Variants in NCK2 observed in about 807,000 individuals in gnomAD.
The protein encoded by NCK2 is NCK adaptor protein 2.
Under a neutral mutation model 33.9 loss-of-function variants are expected in NCK2, and 16 were observed. The ratio of observed to expected loss-of-function variants is 0.47; its 90% CI spans 0.32 to 0.72. The LOEUF is 0.72. Ranked by LOEUF, NCK2 falls within the 30% of genes least tolerant of loss-of-function variation. The probability of loss-of-function intolerance (pLI) is 0.03; values close to 1 mark genes in which losing one functional copy is unlikely to be tolerated. For missense variants in NCK2, 418 were observed against 537.3 expected, an observed-to-expected ratio of 0.78 and a Z score of 2.19; for synonymous variants, 273 against 239.9, an observed-to-expected ratio of 1.14 and a Z score of -1.27.
chr2:105,793,026 C>T (rs954164973), intron 1 of NCK2, among the ~76,000 whole-genome samples: 1 of 152,030 alleles, frequency 6.6e-6, no homozygotes, highest in African/African-American at 2.4e-5. Context: ...TGTCCTGTGT[C>T]ATGAAGCCAA....
intron 4 of NCK2, among the ~76,000 whole-genome samples, chr2:105,889,022 A>G (rs6740343): frequency 0.63 from 95,745 of 152,142 alleles, 31,115 homozygotes; most frequent in South Asian, 0.77. Context: ...TTTTTCATCC[A>G]ATTTCTTGAA....
chr2:105,859,515 C>T (rs544873935), intron 3 of NCK2, among the ~76,000 whole-genome samples: 1 of 152,324 alleles, frequency 6.6e-6, no homozygotes, highest in South Asian at 2.1e-4. Context: ...CCCAGAACTC[C>T]TGCCTCTGAT....
chr2:105,771,141 C>G (rs868792278), intron 1 of NCK2, among the ~76,000 whole-genome samples: 2 of 152,068 alleles, frequency 1.3e-5, no homozygotes, highest in Admixed American at 1.3e-4. Flanking sequence ...CCAGGATGCT[C>G]TCGATCTCCT....
At chr2:105,750,203 T>G (rs1689414510) in intron 1 of NCK2, among the ~76,000 whole-genome samples, 1 of 152,154 alleles carries the variant, frequency 6.6e-6, no homozygotes. Context: ...CGTCTTCTTG[T>G]GTCCTCACTC....
chr2:105,855,026 T>G (rs1366054078), intron 2 of NCK2, 22 bp from the exon 3 acceptor site: 1 of 1,573,460 alleles, frequency 6.4e-7, no homozygotes, highest in Non-Finnish European at 8.7e-7. Context: ...CTAATGAGCA[T>G]CTCCAAATGT....
At chr2:105,816,330 A>C (rs184197468) in intron 1 of NCK2, 100 bp from the exon 2 acceptor site, 2 of 152,234 alleles carry the variant, frequency 1.3e-5, no homozygotes, top group African/African-American at 4.8e-5. Flanking sequence ...TAACAAAAAA[A>C]CCCATTAGTT....
intron 1 of NCK2, among the ~76,000 whole-genome samples, chr2:105,805,731 A>G (rs1675009706): frequency 6.6e-6 from 1 of 152,220 alleles, no homozygotes; most frequent in East Asian, 1.9e-4. Context: ...TTCAGTTAGC[A>G]TGATGTCCTC....
intron 1 of NCK2, among the ~76,000 whole-genome samples, chr2:105,781,265 G>T (rs1044421209): frequency 6.6e-6 from 1 of 152,144 alleles, no homozygotes; most frequent in Non-Finnish European, 1.5e-5. Context: ...GATTACTCTA[G>T]GTATTCCCAA....
chr2:105,811,401 T>G (rs1675290472), intron 1 of NCK2, among the ~76,000 whole-genome samples: 1 of 152,182 alleles, frequency 6.6e-6, no homozygotes, highest in African/African-American at 2.4e-5. Context: ...GGCTGTAATT[T>G]GCTTCTCATT....
intron 2 of NCK2, among the ~76,000 whole-genome samples, chr2:105,833,989 CTATTG>C (rs1676297649): frequency 6.6e-6 from 1 of 151,944 alleles, no homozygotes; most frequent in Non-Finnish European, 1.5e-5. Flanking sequence ...TAGTTTTATT[CTATTG>C]TGTTCTGAGA....
At chr2:105,761,636 G>C (rs1171524753) in intron 1 of NCK2, among the ~76,000 whole-genome samples, 1 of 152,216 alleles carries the variant, frequency 6.6e-6, no homozygotes, top group East Asian at 1.9e-4. Context: ...CCAGCACTTT[G>C]GGAGGCTCAG....
intron 2 of NCK2, among the ~76,000 whole-genome samples, chr2:105,838,835 A>T (rs974452593): frequency 6.6e-6 from 1 of 152,196 alleles, no homozygotes; most frequent in African/African-American, 2.4e-5. Flanking sequence ...CACCCATCTA[A>T]GTCTTGGCTT....
intron 1 of NCK2, among the ~76,000 whole-genome samples, chr2:105,774,137 T>C (rs1037236999): frequency 6.6e-5 from 10 of 151,660 alleles, no homozygotes; most frequent in African/African-American, 2.4e-4. Context: ...GCTTCCAGAG[T>C]AGCTGAGACT....
In NCK2 at chr2:105,878,296, C is replaced by G. The variant is rs532942491; in HGVS notation, c.227-3032C>G. ...AGATTGCATCTTCCTGAAATTCATA[C>G]GAAGTCCCAATCCCCAGGACCTCAG... On this transcript the variant is annotated intron_variant, in intron 3 of 4. Coordinates refer to ENST00000233154, the MANE Select transcript of NCK2 (RefSeq NM_003581.5). 5.9e-5 allele frequency among the ~76,000 whole-genome samples: 9 copies of G among 152,336 alleles called. No homozygotes were observed. The East Asian group carries it at 1.7e-3, about 29-fold the overall frequency.
chr2:105,773,357 C>T (rs894649629), intron 1 of NCK2, among the ~76,000 whole-genome samples: 2 of 152,040 alleles, frequency 1.3e-5, no homozygotes, highest in Non-Finnish European at 2.9e-5. Flanking sequence ...GTCTTCTCGC[C>T]GTCTGGTACA....
rs1334198480 is a variant in NCK2, at chr2:105,881,423, C to CGCAT, written c.323_326dup (p.Ile109MetfsTer22). On this transcript the variant is annotated frameshift_variant, in exon 4 of 5. Coordinates refer to ENST00000233154, the MANE Select transcript of NCK2 (RefSeq NM_003581.5). LOFTEE classifies it high-confidence loss of function. ...CCCCGCCAATGGCAGCGGCGCCGAC[C>CGCAT]GCATCTACGACCTCAACATCCCGGC... The CGCAT allele has an allele frequency of 6.2e-7, 1 of 1,613,194 alleles. No homozygotes were observed. Among genetic ancestry groups the CGCAT allele is most frequent in the Non-Finnish European group, 8.5e-7 (1 of 1,179,966 alleles).
chr2:105,772,770 A>G (rs1298138601), intron 1 of NCK2, among the ~76,000 whole-genome samples: 1 of 152,020 alleles, frequency 6.6e-6, no homozygotes, highest in African/African-American at 2.4e-5. Context: ...CCATTTTCAC[A>G]GTGAGTGCAG....
chr2:105,887,600 C>G (rs1678769299), intron 4 of NCK2, among the ~76,000 whole-genome samples: 1 of 152,194 alleles, frequency 6.6e-6, no homozygotes, highest in African/African-American at 2.4e-5. Flanking sequence ...AGCAAGGCCC[C>G]TCCCTCCCGT....
At chr2:105,767,376 C>G (rs1300476272) in intron 1 of NCK2, among the ~76,000 whole-genome samples, 2 of 152,166 alleles carry the variant, frequency 1.3e-5, no homozygotes, top group African/African-American at 4.8e-5. Flanking sequence ...CCACAATAAC[C>G]TAGTTAGTAT....
Sources: allele counts gnomAD v4.1 joint callset (sites outside exome capture counted in the v4.1 genomes callset), GRCh38; gene constraint gnomAD v4.1.1; transcripts MANE v1.5; gene names NCBI Gene and HGNC (gene_info 2026-07-23, HGNC 2026-07-21).